Variants in FBXL17 observed in about 807,000 individuals in gnomAD.
FBXL17 encodes the protein F-box/LRR-repeat protein 17.
Under a neutral mutation model 66.2 loss-of-function variants are expected in FBXL17, and 22 were observed. The ratio of observed to expected loss-of-function variants is 0.33; its 90% CI spans 0.24 to 0.47. The LOEUF (loss-of-function observed/expected upper bound fraction) is 0.47, where lower values mean the gene tolerates loss of function less well. FBXL17 is among the 20% of genes least tolerant of loss of function. The pLI is 1.00. For missense variants in FBXL17, 878 were observed against 948.2 expected, an observed-to-expected ratio of 0.93 and a Z score of 0.97; for synonymous variants, 474 against 400.5, an observed-to-expected ratio of 1.18 and a Z score of -2.19.
At chr5:107,894,767 T>C (rs1165012840) in intron 7 of FBXL17, among the ~76,000 whole-genome samples, 2 of 152,184 alleles carry the variant, frequency 1.3e-5, no homozygotes, top group Non-Finnish European at 2.9e-5. Flanking sequence ...TATTTGTTTT[T>C]ACATAAATTT....
intron 7 of FBXL17, among the ~76,000 whole-genome samples, chr5:107,983,044 C>A (rs1752883569): frequency 6.6e-6 from 1 of 152,056 alleles, no homozygotes; most frequent in Non-Finnish European, 1.5e-5. Flanking sequence ...CCCCTTCAGT[C>A]AGCCTCTGCT....
intron 8 of FBXL17, among the ~76,000 whole-genome samples, chr5:107,875,643 C>G (rs1474057207): frequency 2.0e-5 from 3 of 152,130 alleles, no homozygotes; most frequent in Non-Finnish European, 4.4e-5. Flanking sequence ...AATCTCTCTC[C>G]CATTTAAAAA....
chr5:108,199,505 G>C (rs1454064344), intron 5 of FBXL17, among the ~76,000 whole-genome samples: 2 of 152,106 alleles, frequency 1.3e-5, no homozygotes, highest in Non-Finnish European at 2.9e-5. Context: ...CCTATTCTTG[G>C]AATTCATCAT....
chr5:107,861,699 G>A lies in FBXL17; in HGVS notation c.*21C>T. 1 of 1,551,772 alleles carries A rather than the reference G, an allele frequency of 6.4e-7. No individual in the cohort carries two copies. Among genetic ancestry groups the A allele is most frequent in the Non-Finnish European group, 8.7e-7 (1 of 1,145,958 alleles). The stretch of plus-strand genomic sequence containing the variant: ...CTCTGCTCTGCTGAATGATCCCAGT[G>A]GACTAGGCGAGGCAGGAGCGCTAGG... On this transcript the variant is annotated 3_prime_UTR_variant, in exon 9 of 9. Coordinates refer to ENST00000542267, the MANE Select transcript of FBXL17 (RefSeq NM_001163315.3).
chr5:107,872,066 T>C (rs1348776981), intron 8 of FBXL17, among the ~76,000 whole-genome samples: 7 of 152,232 alleles, frequency 4.6e-5, no homozygotes, highest in Admixed American at 6.5e-5. Context: ...ATTTAGGAAT[T>C]TGACCCGTTT....
At chr5:108,110,399 G>A (rs1210316864) in intron 6 of FBXL17, among the ~76,000 whole-genome samples, 2 of 149,816 alleles carry the variant, frequency 1.3e-5, no homozygotes, top group African/African-American at 4.9e-5. Flanking sequence ...GGAAATAATT[G>A]CGGTACATCA....
intron 7 of FBXL17, among the ~76,000 whole-genome samples, chr5:108,020,332 C>A (rs183666853): frequency 3.3e-5 from 5 of 151,694 alleles, no homozygotes; most frequent in Non-Finnish European, 7.4e-5. Flanking sequence ...TTTATTACTG[C>A]GACAATATGA....
chr5:108,092,691 G>T (rs1281221527), intron 6 of FBXL17, among the ~76,000 whole-genome samples: 1 of 152,064 alleles, frequency 6.6e-6, no homozygotes, highest in Non-Finnish European at 1.5e-5. Context: ...TCATTTATAG[G>T]TCTCATTAAA....
At chr5:107,947,636 G>A (rs1751357959) in intron 7 of FBXL17, among the ~76,000 whole-genome samples, 1 of 152,108 alleles carries the variant, frequency 6.6e-6, no homozygotes, top group Admixed American at 6.6e-5. Flanking sequence ...TCCTTAACTT[G>A]TAATTTTGTT....
chr5:108,121,410 T>C (rs138888446), intron 6 of FBXL17, among the ~76,000 whole-genome samples: 9 of 152,126 alleles, frequency 5.9e-5, no homozygotes, highest in Admixed American at 5.2e-4. Context: ...CACATTTATA[T>C]GCTCTACACA....
intron 4 of FBXL17, among the ~76,000 whole-genome samples, chr5:108,234,736 C>T (rs1480334088): frequency 6.6e-6 from 1 of 152,166 alleles, no homozygotes; most frequent in Non-Finnish European, 1.5e-5. Flanking sequence ...TGCTCCAAAA[C>T]ATGGAAGCAT....
intron 6 of FBXL17, among the ~76,000 whole-genome samples, chr5:108,072,619 A>G (rs1262437317): frequency 6.6e-6 from 1 of 152,142 alleles, no homozygotes; most frequent in Non-Finnish European, 1.5e-5. Flanking sequence ...GAGGCAGGAG[A>G]AGGGCGTGAA....
In FBXL17 at chr5:107,871,761, A is replaced by C. The variant is rs188279859; in HGVS notation, c.1965+9276T>G. 3.7e-3 allele frequency among the ~76,000 whole-genome samples: 563 copies of C among 152,180 alleles called. 2 individuals carry two copies. Among genetic ancestry groups the C allele is most frequent in the African/African-American group, 0.01 (425 of 41,528 alleles). On this transcript the variant is annotated intron_variant, in intron 8 of 8. Coordinates refer to ENST00000542267, the MANE Select transcript of FBXL17 (RefSeq NM_001163315.3). ...TGATCAGCAATTTGAAAAAAAAAAA[A>C]AACAACAACAACTAGGCCCTAATAA...
At chr5:108,075,633 G>A (rs568797579) in intron 6 of FBXL17, among the ~76,000 whole-genome samples, 36 of 152,100 alleles carry the variant, frequency 2.4e-4, no homozygotes, top group African/African-American at 8.4e-4. Context: ...CCGCCACTAC[G>A]CCCAGCAAAT....
chr5:108,304,536 T>C (rs1198960545), intron 4 of FBXL17, among the ~76,000 whole-genome samples: 2 of 151,972 alleles, frequency 1.3e-5, no homozygotes, highest in Non-Finnish European at 2.9e-5. Flanking sequence ...GATACACCTA[T>C]CTGCTTTAAT....
intron 4 of FBXL17, chr5:108,298,966 A>T (rs1415680275): frequency 2.1e-6 from 2 of 967,064 alleles, no homozygotes; most frequent in Non-Finnish European, 2.5e-6. Flanking sequence ...ATATAGTGCC[A>T]GCATTTAATG....
At chr5:108,051,623 A>G (rs140528067) in intron 6 of FBXL17, among the ~76,000 whole-genome samples, 3 of 152,174 alleles carry the variant, frequency 2.0e-5, no homozygotes, top group African/African-American at 7.2e-5. Context: ...CAACAAACAC[A>G]CAGGCAATAT....
intron 4 of FBXL17, among the ~76,000 whole-genome samples, chr5:108,279,531 A>G (rs1363760049): frequency 6.6e-6 from 1 of 151,854 alleles, no homozygotes; most frequent in Non-Finnish European, 1.5e-5. Flanking sequence ...CTACTCAACC[A>G]ACATCATAGT....
intron 6 of FBXL17, among the ~76,000 whole-genome samples, chr5:108,126,651 CTATA>C (rs1165177851): frequency 4.6e-5 from 5 of 108,054 alleles, no homozygotes; most frequent in Admixed American, 3.8e-4. Flanking sequence ...CTCTCTCTCT[CTATA>C]TATATATACA....
Sources: gnomAD v4.1 joint callset for allele counts (sites outside exome capture counted in the v4.1 genomes callset) on GRCh38, gnomAD v4.1.1 for gene constraint, MANE v1.5 for transcripts, NCBI Gene and HGNC (gene_info 2026-07-23, HGNC 2026-07-21) for gene names.